ALG12: variants seen among roughly 807,000 people sequenced by gnomAD.
The protein encoded by ALG12 is ALG12 alpha-1,6-mannosyltransferase.
ALG12 carries 36 observed loss-of-function variants against 46.0 expected under a neutral mutation model. That is an observed-to-expected ratio of 0.78 (90% CI 0.60 to 1.03). The LOEUF is 1.03. Among genes scored for constraint, ALG12 ranks in the 50% least tolerant of loss-of-function variants. ALG12 has a pLI of 0.00. For missense variants in ALG12, 599 were observed against 633.5 expected (o/e 0.95, Z 0.58); for synonymous variants, 326 against 291.6 (o/e 1.12, Z -1.20).
rs1377780807 is a variant in ALG12 at position 49,911,296 on chromosome 22, G to T, written c.296-689C>A. ...AGCAACTGGGTCCAGGCAGCTGTGG[G>T]GGCCAATGGGCAGAGATACCCAGGC... On this transcript the variant is annotated intron_variant, in intron 3 of 9. Transcript: ENST00000330817. 3.3e-5 allele frequency among the ~76,000 whole-genome samples: 5 copies of T among 152,334 alleles called. 1 individual carries two copies. Among genetic ancestry groups the T allele is most frequent in the Admixed American group, 3.3e-4 (5 of 15,304 alleles).
the ALG12 span, among the ~76,000 whole-genome samples, chr22:49,864,727 G>A: frequency 1.3e-5 from 2 of 148,826 alleles, no homozygotes; most frequent in African/African-American, 2.5e-5. Context: ...AGGCTGAGGC[G>A]GGAGGATTGC....
In ALG12 at chr22:49,909,341, G is replaced by A. The variant is rs755892540; in HGVS notation, c.671C>T (p.Thr224Met). Residue 224 changes from threonine (T) to methionine (M), a missense_variant, in exon 6 of 10, where the codon ACG becomes ATG. Physicochemically the swap from Thr to Met is moderately conservative, Grantham distance 81. Coordinates refer to ENST00000330817, the MANE Select transcript of ALG12 (RefSeq NM_024105.4). ...CCAAAAATAAGAGTCCACAGCAACC[G>A]TCAGTCCTGACAAAATAAAATAGAG... The part of the protein sequence containing the change: ...VPAGILCLGL[T>M]VAVDSYFWRQ... 93 of 1,614,012 alleles carry A rather than the reference G, an allele frequency of 5.8e-5. No individual in the cohort carries two copies. Among genetic ancestry groups the A allele is most frequent in the Non-Finnish European group, 7.3e-5 (86 of 1,180,028 alleles).
Position 49,903,806 on chromosome 22 carries a change from G to T in ALG12, c.*32C>A. 6.2e-7 allele frequency: 1 copy of T among 1,604,880 alleles called. No homozygotes were observed. The highest frequency in any genetic ancestry group is 8.5e-7 in the Non-Finnish European group (1 of 1,171,700). ...TGGTAGTGATAACAGCTCCTGGAAGGCCTGTGGCTGCTGAGGGCTGCCTGG... is the reference window on the plus strand; with the variant it reads ...TGGTAGTGATAACAGCTCCTGGAAGTCCTGTGGCTGCTGAGGGCTGCCTGG... On this transcript the variant is annotated 3_prime_UTR_variant, in exon 10 of 10. Coordinates refer to ENST00000330817, the MANE Select transcript of ALG12 (RefSeq NM_024105.4).
At chr22:49,898,776 G>A (rs2060493315), downstream of ALG12, among the ~76,000 whole-genome samples, 1 of 152,018 alleles carries the variant, frequency 6.6e-6, no homozygotes, top group Admixed American at 6.5e-5. Flanking sequence ...TTAAGAGATA[G>A]GGGTCTCTCT....
At chr22:49,879,882 AGTGTCTGGGCCTGTTTCTATTGGTTGG>A in the ALG12 span, among the ~76,000 whole-genome samples, 2 of 79,692 alleles carry the variant, frequency 2.5e-5, no homozygotes, top group African/African-American at 8.5e-5. Context: ...TCTCCTGGTC[AGTGTCTGGGCCTGTTTCTATTGGTTGG>A]TTTTTCTCCT....
intron 6 of ALG12, 66 bp downstream of exon 6, chr22:49,909,178 T>C (rs1394474632): frequency 2.6e-6 from 4 of 1,513,938 alleles, no homozygotes; most frequent in Admixed American, 1.7e-5. Flanking sequence ...CCACTGCCCA[T>C]GGAGGCCCAG....
chr22:49,904,260 A>C lies in ALG12; in HGVS notation c.1163-6T>G. The C allele has an allele frequency of 6.2e-7, 1 of 1,614,050 alleles. No homozygotes were observed. Among genetic ancestry groups the C allele is most frequent in the Non-Finnish European group, 8.5e-7 (1 of 1,179,952 alleles). The stretch of plus-strand genomic sequence containing the variant: ...GTCAATGTGCAGAAGGACGTCTAGG[A>C]AAACCAGGCCTGCCGTCAGAGCCCA... On this transcript the variant is annotated splice_region_variant and splice_polypyrimidine_tract_variant and intron_variant, in intron 8 of 9. Transcript: ENST00000330817.
chr22:49,897,616 G>A (rs919974079), downstream of ALG12, among the ~76,000 whole-genome samples: 8 of 148,880 alleles, frequency 5.4e-5, no homozygotes, highest in African/African-American at 7.4e-5. Context: ...TGCCATCTGC[G>A]TATCTTCTTT....
chr22:49,877,153 A>G, the ALG12 span, among the ~76,000 whole-genome samples: 2 of 152,158 alleles, frequency 1.3e-5, no homozygotes, highest in Non-Finnish European at 2.9e-5. Context: ...AGATTAAGCT[A>G]TTTGTGTCTT....
At chr22:49,875,479 G>T in the ALG12 span, among the ~76,000 whole-genome samples, 19 of 149,844 alleles carry the variant, frequency 1.3e-4, no homozygotes, top group Non-Finnish European at 1.6e-4. Flanking sequence ...GGAGTACAGT[G>T]GCGCCATCTT....
At chr22:49,889,463 T>G in the ALG12 span, 7 of 166,644 alleles carry the variant, frequency 4.2e-5, no homozygotes, top group Admixed American at 6.5e-5. Context: ...CTTTATGGGG[T>G]TTTTTTTGTT....
At position 49,906,695 on chromosome 22, in the gene ALG12, G is replaced by A. The variant is rs533239867; in HGVS notation, c.992+1026C>T. On this transcript the variant is annotated intron_variant, in intron 7 of 9. Coordinates refer to ENST00000330817, the MANE Select transcript of ALG12 (RefSeq NM_024105.4). The surrounding 1 kb of genome is among the most constrained non-coding windows in gnomAD (Gnocchi z 4.4). ...CGCGGCCCTCCTGGCCTGTAGCCCTGCCGCCCCTCAATGCCCAGCGTGGCC... is the reference window on the plus strand; with the variant it reads ...CGCGGCCCTCCTGGCCTGTAGCCCTACCGCCCCTCAATGCCCAGCGTGGCC... 6.6e-6 allele frequency among the ~76,000 whole-genome samples: 1 copy of A among 152,286 alleles called. No individual in the cohort carries two copies. The highest frequency in any genetic ancestry group is 1.9e-4 in the East Asian group (1 of 5,172).
At position 49,904,504 on chromosome 22, in the gene ALG12, A is replaced by G; in HGVS notation, c.995T>C (p.Leu332Pro). The change falls in exon 8 of 10, where the codon CTG becomes CCG. Residue 332 changes from leucine (L) to proline (P), a missense_variant and splice_region_variant. Transcript: ENST00000330817. ...CAGCCAAGACTTTTTATAGTTATTC[A>G]GCCTGAAAAAAGAATGGTTACACAT... Reference protein sequence around the residue: ...ITAARGCSYLLNNYKKSWLYK... With the variant: ...ITAARGCSYLPNNYKKSWLYK... 1 of 1,614,196 alleles carries G rather than the reference A, an allele frequency of 6.2e-7. No homozygotes were observed. Among genetic ancestry groups the G allele is most frequent in the Non-Finnish European group, 8.5e-7 (1 of 1,180,030 alleles).
At chr22:49,888,639 C>T in the ALG12 span, 5 of 167,252 alleles carry the variant, frequency 3.0e-5, no homozygotes, top group Non-Finnish European at 5.9e-5. Context: ...TTCCAGGTCT[C>T]GTGTTCAAGT....
At chr22:49,864,017 C>T in the ALG12 span, among the ~76,000 whole-genome samples, 7 of 152,242 alleles carry the variant, frequency 4.6e-5, no homozygotes, top group Admixed American at 3.9e-4. Context: ...TGTATTTTTC[C>T]GGCTCCAGAC....
chr22:49,884,312 C>A, the ALG12 span: 6 of 1,613,654 alleles, frequency 3.7e-6, no homozygotes. Flanking sequence ...TCTAAGATCC[C>A]GTCCCCCGAT....
At chr22:49,883,944 A>G in the ALG12 span, 1 of 1,613,636 alleles carries the variant, frequency 6.2e-7, no homozygotes, top group Non-Finnish European at 8.5e-7. Context: ...GCAGCACCCT[A>G]TACGACGTGG....
chr22:49,883,708 G>A, the ALG12 span: 27 of 1,605,398 alleles, frequency 1.7e-5, no homozygotes, highest in South Asian at 5.5e-5. Flanking sequence ...CGGTGATTTC[G>A]TTTCTGATAA....
the ALG12 span, among the ~76,000 whole-genome samples, chr22:49,881,513 G>A: frequency 2.6e-5 from 4 of 152,142 alleles, no homozygotes; most frequent in African/African-American, 7.2e-5. Context: ...AGCCTTCCAA[G>A]CAGCTGAGAT....
Sources: allele counts gnomAD v4.1 joint callset (sites outside exome capture counted in the v4.1 genomes callset), GRCh38; gene constraint gnomAD v4.1.1; non-coding constraint Gnocchi (gnomAD v3.1); transcripts MANE v1.5; gene names NCBI Gene and HGNC (gene_info 2026-07-23, HGNC 2026-07-21).